The following UNC5C variants were observed in gnomAD, a reference collection of about 807,000 sequenced individuals.
The protein encoded by UNC5C is unc-5 netrin receptor C, also known as netrin receptor UNC5C.
A neutral mutation model predicts 99.8 loss-of-function variants in UNC5C; 47 were observed. The ratio of observed to expected loss-of-function variants is 0.47; its 90% confidence interval spans 0.37 to 0.60. UNC5C has a LOEUF of 0.60. Ranked by LOEUF, UNC5C falls within the 20% of genes least tolerant of loss-of-function variation. UNC5C has a pLI of 0.00. For missense variants in UNC5C, 1,062 were observed against 1,165.9 expected, an observed-to-expected ratio of 0.91 and a Z score of 1.30; for synonymous variants, 487 against 452.2, an observed-to-expected ratio of 1.08 and a Z score of -0.98.
chr4:95,405,922 C>G (rs1316278000), intron 1 of UNC5C, among the ~76,000 whole-genome samples: 1 of 152,140 alleles, frequency 6.6e-6, no homozygotes, highest in Non-Finnish European at 1.5e-5. Flanking sequence ...AAATGGAAAT[C>G]AGAATCAACT....
At chr4:95,200,169 G>A (rs1237510838) in intron 12 of UNC5C, among the ~76,000 whole-genome samples, 2 of 152,252 alleles carry the variant, frequency 1.3e-5, no homozygotes, top group Admixed American at 6.5e-5. Context: ...ATCCTGGAAC[G>A]CTCAGTGTTC....
intron 1 of UNC5C, among the ~76,000 whole-genome samples, chr4:95,509,359 C>G (rs927801858): frequency 6.6e-6 from 1 of 151,772 alleles, no homozygotes; most frequent in African/African-American, 2.4e-5. Flanking sequence ...TAATTCTATG[C>G]TCCTTTGCAC....
chr4:95,321,739 G>T lies in UNC5C; in HGVS notation c.346+13671C>A, dbSNP rs147030171. On this transcript the variant is annotated intron_variant, in intron 2 of 15. Coordinates refer to ENST00000453304, the MANE Select transcript of UNC5C (RefSeq NM_003728.4). Reference sequence around the variant, plus strand: ...CACAGATATGGCCTAGAATATGATTGCAAAGTAAAGGTGAGAAAACATTAC... The same window carrying T: ...CACAGATATGGCCTAGAATATGATTTCAAAGTAAAGGTGAGAAAACATTAC... 1.4e-3 allele frequency among the ~76,000 whole-genome samples: 211 copies of T among 152,296 alleles called. 1 individual carries two copies. The highest frequency in any genetic ancestry group is 4.8e-3 in the African/African-American group (201 of 41,570).
At chr4:95,339,603 A>G (rs1206682534) in intron 1 of UNC5C, among the ~76,000 whole-genome samples, 3 of 152,046 alleles carry the variant, frequency 2.0e-5, no homozygotes, top group Non-Finnish European at 4.4e-5. Context: ...AAATATCTGA[A>G]GGAGTGACAT....
chr4:95,309,184 G>A (rs1456831389), intron 2 of UNC5C, among the ~76,000 whole-genome samples: 1 of 152,128 alleles, frequency 6.6e-6, no homozygotes, highest in Non-Finnish European at 1.5e-5. Context: ...AATGGGGAAA[G>A]GACGGTCTCT....
intron 1 of UNC5C, among the ~76,000 whole-genome samples, chr4:95,446,816 C>G (rs924124354): frequency 1.3e-5 from 2 of 152,118 alleles, no homozygotes; most frequent in African/African-American, 4.8e-5. Flanking sequence ...CTGCGATTAT[C>G]TGGTTTTTCA....
chr4:95,185,068 G>T lies in UNC5C; in HGVS notation c.2265C>A (p.Ser755Arg). The change falls in exon 13 of 16, where the codon AGC becomes AGA. Residue 755 changes from serine (S) to arginine (R), a missense_variant. Ser to Arg is a moderately radical substitution (Grantham distance 110, BLOSUM62 -1). This residue lies in a region of UNC5C where 810 missense variants were observed against 854.5 expected (regional missense o/e 0.95). Coordinates refer to ENST00000453304, the MANE Select transcript of UNC5C (RefSeq NM_003728.4). ...TTACCTGATATTTAGCCAGCAATTTGCTCTTCCAGAGGGAATGGGCGATAT... is the reference window on the plus strand; with the variant it reads ...TTACCTGATATTTAGCCAGCAATTTTCTCTTCCAGAGGGAATGGGCGATAT... Reference protein sequence around the residue: ...IHDIAHSLWKSKLLAKYQEIP... With the variant: ...IHDIAHSLWKRKLLAKYQEIP... 6.2e-7 allele frequency: 1 copy of T among 1,611,796 alleles called. No individual in the cohort carries two copies. The highest frequency in any genetic ancestry group is 1.1e-5 in the South Asian group (1 of 90,560).
At chr4:95,294,651 G>T (rs1236117657) in intron 3 of UNC5C, among the ~76,000 whole-genome samples, 2 of 152,196 alleles carry the variant, frequency 1.3e-5, no homozygotes, top group Non-Finnish European at 2.9e-5. Flanking sequence ...TGAATCAGCA[G>T]AGAATTTCAA....
At chr4:95,229,706 G>T (rs1429748073) in intron 7 of UNC5C, among the ~76,000 whole-genome samples, 1 of 148,226 alleles carries the variant, frequency 6.7e-6, no homozygotes, top group Non-Finnish European at 1.5e-5. Flanking sequence ...TCACCACACT[G>T]TCTTCCACAA....
intron 1 of UNC5C, among the ~76,000 whole-genome samples, chr4:95,461,431 T>G (rs1408183156): frequency 1.4e-5 from 2 of 146,224 alleles, no homozygotes; most frequent in African/African-American, 5.2e-5. Flanking sequence ...AGAAAAATAT[T>G]CCCAAAGTAA....
At chr4:95,189,348 G>A (rs560809991) in intron 12 of UNC5C, among the ~76,000 whole-genome samples, 107 of 152,244 alleles carry the variant, frequency 7.0e-4, no homozygotes, top group Non-Finnish European at 1.2e-3. Context: ...GTGCAGTGGC[G>A]TGATCATAGC....
intron 4 of UNC5C, among the ~76,000 whole-genome samples, chr4:95,265,378 T>C (rs2149388412): frequency 6.6e-6 from 1 of 152,320 alleles, no homozygotes; most frequent in East Asian, 1.9e-4. Context: ...CACATTGGCC[T>C]TCTCTCTATA....
chr4:95,504,819 T>A (rs1424660700), intron 1 of UNC5C, among the ~76,000 whole-genome samples: 3 of 152,126 alleles, frequency 2.0e-5, no homozygotes, highest in Non-Finnish European at 4.4e-5. Flanking sequence ...AATCATCAAC[T>A]AATGTCTTTG....
intron 1 of UNC5C, among the ~76,000 whole-genome samples, chr4:95,350,046 T>C (rs1005432253): frequency 6.6e-6 from 1 of 152,284 alleles, no homozygotes; most frequent in African/African-American, 2.4e-5. Flanking sequence ...GACTTTATGA[T>C]AGAAATTGGT....
At chr4:95,430,073 A>G (rs988933214) in intron 1 of UNC5C, among the ~76,000 whole-genome samples, 4 of 152,114 alleles carry the variant, frequency 2.6e-5, no homozygotes, top group East Asian at 1.9e-4. Flanking sequence ...GTATGATACT[A>G]TAATGATGGA....
chr4:95,430,158 C>G (rs1336603801), intron 1 of UNC5C, among the ~76,000 whole-genome samples: 1 of 151,978 alleles, frequency 6.6e-6, no homozygotes, highest in Non-Finnish European at 1.5e-5. Flanking sequence ...AAACTGTGGA[C>G]TCTGGTCGAT....
At chr4:95,284,628 T>A (rs7692887) in intron 3 of UNC5C, among the ~76,000 whole-genome samples, 100,724 of 151,962 alleles carry the variant, frequency 0.66, 34,468 homozygotes, top group African/African-American at 0.85. Context: ...TTTAAAAAAA[T>A]TAGCAAATTC....
At chr4:95,236,348 T>C (rs1207261299) in intron 7 of UNC5C, among the ~76,000 whole-genome samples, 8 of 148,712 alleles carry the variant, frequency 5.4e-5, no homozygotes, top group East Asian at 2.0e-4. Context: ...AAACCAAACA[T>C]CGCATGTTCT....
intron 1 of UNC5C, among the ~76,000 whole-genome samples, chr4:95,352,364 C>T (rs973889245): frequency 3.9e-5 from 6 of 152,084 alleles, no homozygotes; most frequent in East Asian, 3.9e-4. Flanking sequence ...TTCTCACTGC[C>T]GTTTAGGTTT....
Sources: allele counts gnomAD v4.1 joint callset (sites outside exome capture counted in the v4.1 genomes callset), GRCh38; gene constraint gnomAD v4.1.1; regional missense constraint gnomAD v4.1.1; transcripts MANE v1.5; gene names NCBI Gene and HGNC (gene_info 2026-07-23, HGNC 2026-07-21).